ZNF407: variants seen among roughly 807,000 people sequenced by gnomAD.
ZNF407 encodes zinc finger protein 407.
Under a neutral mutation model 131.2 loss-of-function variants are expected in ZNF407, and 17 were observed. The observed-to-expected ratio is 0.13, with a 90% CI of 0.09 to 0.19. ZNF407 has a LOEUF of 0.19. ZNF407 is among the 10% of genes least tolerant of loss of function. ZNF407 has a pLI of 1.00. For missense variants in ZNF407, 2,681 were observed against 2,830.6 expected, an observed-to-expected ratio of 0.95 and a Z score of 1.20; for synonymous variants, 1,156 against 1,062.0, an observed-to-expected ratio of 1.09 and a Z score of -1.72.
intron 8 of ZNF407, among the ~76,000 whole-genome samples, chr18:75,056,385 C>CT (rs1159180782): frequency 6.6e-6 from 1 of 152,128 alleles, no homozygotes; most frequent in Non-Finnish European, 1.5e-5. Flanking sequence ...TTCTTAAAAA[C>CT]TTTTTTAAAA....
chr18:74,876,262 T>G (rs1011181187), intron 4 of ZNF407, among the ~76,000 whole-genome samples: 1 of 152,230 alleles, frequency 6.6e-6, no homozygotes, highest in Non-Finnish European at 1.5e-5. Flanking sequence ...GCTTGTCAAC[T>G]CGTTATAATA....
At chr18:74,679,059 T>C (rs531900303) in intron 3 of ZNF407, among the ~76,000 whole-genome samples, 1 of 151,900 alleles carries the variant, frequency 6.6e-6, no homozygotes, top group East Asian at 2.0e-4. Context: ...AAATAATCTG[T>C]GTGGGGACTC....
At chr18:74,961,185 CCATT>C (rs2145291760) in intron 8 of ZNF407, among the ~76,000 whole-genome samples, 1 of 152,296 alleles carries the variant, frequency 6.6e-6, no homozygotes, top group South Asian at 2.1e-4. Context: ...TAAATGCTTT[CCATT>C]CATTAACTTT....
chr18:74,719,376 T>C (rs1358125738), intron 3 of ZNF407, among the ~76,000 whole-genome samples: 1 of 115,334 alleles, frequency 8.7e-6, no homozygotes, highest in African/African-American at 3.0e-5. Flanking sequence ...TTCTACTTTT[T>C]ACTTGCTTGC....
intron 3 of ZNF407, among the ~76,000 whole-genome samples, chr18:74,779,081 T>A (rs763108255): frequency 4.8e-4 from 57 of 119,010 alleles, no homozygotes; most frequent in Non-Finnish European, 8.6e-4. Context: ...ATGCTAGTCA[T>A]GCTTGGCATA....
chr18:74,611,074 A>G (rs1399310564), intron 1 of ZNF407, among the ~76,000 whole-genome samples: 1 of 152,218 alleles, frequency 6.6e-6, no homozygotes, highest in Non-Finnish European at 1.5e-5. Flanking sequence ...TCCTTACCAA[A>G]CAGGAAACTT....
intron 1 of ZNF407, among the ~76,000 whole-genome samples, chr18:74,611,469 C>T (rs1405864347): frequency 1.3e-5 from 2 of 152,130 alleles, no homozygotes; most frequent in African/African-American, 4.8e-5. Context: ...GTAGGCATTT[C>T]ACAGAAGAGG....
intron 8 of ZNF407, among the ~76,000 whole-genome samples, chr18:75,038,298 A>G (rs577091038): frequency 6.6e-6 from 1 of 152,370 alleles, no homozygotes; most frequent in East Asian, 1.9e-4. Context: ...CTGGATGGGT[A>G]ACCAACAAAG....
chr18:74,674,036 A>G (rs1458043265), intron 3 of ZNF407, among the ~76,000 whole-genome samples: 3 of 152,268 alleles, frequency 2.0e-5, no homozygotes, highest in Non-Finnish European at 2.9e-5. Flanking sequence ...GATTTAATGA[A>G]GAACTAAGTA....
At chr18:74,685,367 A>G (rs1405099882) in intron 3 of ZNF407, among the ~76,000 whole-genome samples, 2 of 152,152 alleles carry the variant, frequency 1.3e-5, no homozygotes, top group African/African-American at 4.8e-5. Context: ...CTCACCATCT[A>G]TCCTGGCATC....
At chr18:75,012,933 TAGAA>T (rs1245202181) in intron 8 of ZNF407, among the ~76,000 whole-genome samples, 5 of 133,506 alleles carry the variant, frequency 3.7e-5, no homozygotes, top group Non-Finnish European at 8.0e-5. Flanking sequence ...TTACTAATGA[TAGAA>T]AGGGTCCTTT....
intron 8 of ZNF407, among the ~76,000 whole-genome samples, chr18:74,973,823 C>T (rs1972499308): frequency 6.6e-6 from 1 of 152,170 alleles, no homozygotes; most frequent in Non-Finnish European, 1.5e-5. Flanking sequence ...CCAGTCTTCA[C>T]ATGGCATTCT....
chr18:74,633,539 G>T lies in ZNF407; in HGVS notation c.2520G>T (p.Lys840Asn). The T allele has an allele frequency of 1.2e-6, 2 of 1,614,032 alleles. No individual in the cohort carries two copies. The highest frequency in any genetic ancestry group is 1.7e-6 in the Non-Finnish European group (2 of 1,179,894). ...AATTAGCTTCAACCACTACTCCAAA[G>T]AGAGGGAGACCTAAAGGTAACATCT... is the stretch of plus-strand genomic sequence containing the variant. ...DDELASTTTP[K>N]RGRPKGNISR... Residue 840 changes from lysine (K) to asparagine (N), a missense_variant, in exon 2 of 9, where the codon AAG becomes AAT. By Grantham distance (94) the Lys-to-Asn change is moderately conservative. Coordinates refer to ENST00000299687, the MANE Select transcript of ZNF407 (RefSeq NM_017757.3).
At chr18:74,744,718 A>T (rs1300799613) in intron 3 of ZNF407, among the ~76,000 whole-genome samples, 1 of 151,934 alleles carries the variant, frequency 6.6e-6, no homozygotes, top group African/African-American at 2.4e-5. Context: ...TCAAATGTTC[A>T]TTGACTGCCA....
intron 4 of ZNF407, among the ~76,000 whole-genome samples, chr18:74,876,239 T>A (rs1971154379): frequency 1.3e-5 from 2 of 152,228 alleles, no homozygotes; most frequent in South Asian, 4.1e-4. Flanking sequence ...AGACACTATC[T>A]TTGTGGCATC....
At chr18:74,941,318 C>T (rs1194361233) in intron 8 of ZNF407, among the ~76,000 whole-genome samples, 1 of 152,168 alleles carries the variant, frequency 6.6e-6, no homozygotes, top group African/African-American at 2.4e-5. Flanking sequence ...ATGTCACCAC[C>T]CTTTTCTTGT....
At chr18:74,944,820 G>C (rs1489309423) in intron 8 of ZNF407, among the ~76,000 whole-genome samples, 1 of 152,178 alleles carries the variant, frequency 6.6e-6, no homozygotes, top group Non-Finnish European at 1.5e-5. Context: ...GAGTTCCAAA[G>C]AAGCAGTTTG....
rs970096780 is a variant in ZNF407, at chr18:74,631,997, G to C, written c.978G>C (p.Thr326=). ...AAGGATTACGAAATGTGGGAAGCAC[G>C]TTTAAAGATTTCAGAGGAAGTATTT... ...DSKGLRNVGS[T]FKDFRGSISK... Residue 326 remains threonine (T), a synonymous_variant, in exon 2 of 9, where the codon ACG becomes ACC. Transcript: ENST00000299687. The C allele has an allele frequency of 6.2e-7, 1 of 1,613,970 alleles. No homozygotes were observed.
intron 8 of ZNF407, among the ~76,000 whole-genome samples, chr18:74,971,890 C>T (rs9989569): frequency 0.22 from 34,143 of 151,878 alleles, 4,999 homozygotes; most frequent in African/African-American, 0.41. Flanking sequence ...GAGGTTTAAT[C>T]GGACTTGCAG....
Sources: gnomAD v4.1 joint callset for allele counts (sites outside exome capture counted in the v4.1 genomes callset) on GRCh38, gnomAD v4.1.1 for gene constraint, MANE v1.5 for transcripts, NCBI Gene and HGNC (gene_info 2026-07-23, HGNC 2026-07-21) for gene names.